The following DYNC1LI1 variants were observed in gnomAD, a reference collection of about 807,000 sequenced individuals.
The protein encoded by DYNC1LI1 is dynein cytoplasmic 1 light intermediate chain 1.
A neutral mutation model predicts 63.8 loss-of-function variants in DYNC1LI1; 19 were observed. The observed-to-expected ratio is 0.30, with a 90% CI of 0.21 to 0.44. The LOEUF is 0.44. DYNC1LI1 is among the 20% of genes least tolerant of loss of function. DYNC1LI1 has a pLI of 1.00. For missense variants in DYNC1LI1, 565 were observed against 630.2 expected (o/e 0.90, Z 1.11); for synonymous variants, 225 against 232.3 (o/e 0.97, Z 0.28).
Position 32,537,939 on chromosome 3 carries a change from T to TTTATATATATAAA in DYNC1LI1, c.739-836_739-835insTTTATATATATAA, listed in dbSNP as rs1697804367. On this transcript the variant is annotated intron_variant, in intron 5 of 12. Transcript: ENST00000273130. The stretch of plus-strand genomic sequence containing the variant: ...ATTTATATATATAATATATATATAA[T>TTTATATATATAAA]ATATATATAATTTATATATATAATA... Among the ~76,000 whole-genome samples, 4 of 15,962 alleles carry TTTATATATATAAA rather than the reference T, an allele frequency of 2.5e-4. 1 individual carries two copies. Among genetic ancestry groups the TTTATATATATAAA allele is most frequent in the Non-Finnish European group, 3.6e-4 (3 of 8,328 alleles). The allele number at this position is 15,962 out of a possible 152,430, so 10.5% of individuals were successfully genotyped here. A position where few individuals can be genotyped will look rare whatever the true frequency, so the allele number is the denominator to read the frequency against.
rs368836845 is a variant in DYNC1LI1, at chr3:32,545,113, C to T, written c.338-7G>A. The T allele has an allele frequency of 1.6e-5, 25 of 1,580,274 alleles. No homozygotes were observed. In the African/African-American group the frequency reaches 2.0e-4, roughly 13 times the overall value. ...ACATTACATCTTGTTTGATCTACAA[C>T]AGACAAAACAAAGTAACCAAGGCAA... is the stretch of plus-strand genomic sequence containing the variant. On this transcript the variant is annotated splice_region_variant and splice_polypyrimidine_tract_variant and intron_variant, in intron 3 of 12. Transcript: ENST00000273130.
At chr3:32,552,672 T>C (rs555490589) in intron 2 of DYNC1LI1, among the ~76,000 whole-genome samples, 6 of 152,292 alleles carry the variant, frequency 3.9e-5, no homozygotes, top group African/African-American at 1.2e-4. Flanking sequence ...GTCTGCTCCT[T>C]TCACAGCAAA....
Position 32,534,496 on chromosome 3 carries a change from T to G in DYNC1LI1, c.968+15A>C. 6.5e-7 allele frequency: 1 copy of G among 1,538,018 alleles called. No homozygotes were observed. The highest frequency in any genetic ancestry group is 8.9e-7 in the Non-Finnish European group (1 of 1,128,776). ...ATAATACATGATAAAATTATATATT[T>G]AAGAGTACACTTACATAAATACTGC... On this transcript the variant is annotated intron_variant, in intron 7 of 12. Transcript: ENST00000273130.
intron 2 of DYNC1LI1, among the ~76,000 whole-genome samples, chr3:32,559,929 C>G (rs1018237632): frequency 2.0e-5 from 3 of 152,094 alleles, no homozygotes; most frequent in Admixed American, 2.0e-4. Flanking sequence ...ATCTGGAGGA[C>G]CCAGGTAGGG....
At chr3:32,567,734 C>T (rs1297814981) in intron 2 of DYNC1LI1, among the ~76,000 whole-genome samples, 4 of 144,740 alleles carry the variant, frequency 2.8e-5, no homozygotes, top group East Asian at 2.1e-4. Flanking sequence ...GACAGAGTCT[C>T]GCTCTGTCAC....
At chr3:32,550,940 C>A (rs116338432) in intron 2 of DYNC1LI1, among the ~76,000 whole-genome samples, 1,775 of 149,974 alleles carry the variant, frequency 0.012, 29 homozygotes, top group African/African-American at 0.042. Context: ...CCTGGGTGAT[C>A]AAGTGAGATC....
At chr3:32,563,583 C>G (rs1377817424) in intron 2 of DYNC1LI1, among the ~76,000 whole-genome samples, 1 of 152,182 alleles carries the variant, frequency 6.6e-6, no homozygotes, top group Non-Finnish European at 1.5e-5. Context: ...TGAGCCACCA[C>G]GCCCGGCCAC....
At chr3:32,548,214 G>A (rs1232892148) in intron 2 of DYNC1LI1, among the ~76,000 whole-genome samples, 6 of 152,018 alleles carry the variant, frequency 3.9e-5, no homozygotes, top group East Asian at 3.9e-4. Context: ...GAGGTGAGCC[G>A]ACAGCATTAC....
chr3:32,539,651 T>C (rs2125435010), intron 5 of DYNC1LI1, among the ~76,000 whole-genome samples: 1 of 151,736 alleles, frequency 6.6e-6, no homozygotes, highest in South Asian at 2.1e-4. Flanking sequence ...TTCTCCTGCC[T>C]CAGCCTCCCG....
Position 32,565,315 on chromosome 3 carries a change from AG to A in DYNC1LI1, c.220+5030del, listed in dbSNP as rs751582078. Among the ~76,000 whole-genome samples, 3 of 152,236 alleles carry A rather than the reference AG, an allele frequency of 2.0e-5. No individual in the cohort carries two copies. In the South Asian group the frequency reaches 6.2e-4, roughly 32 times the overall value. On this transcript the variant is annotated intron_variant, in intron 2 of 12. Transcript: ENST00000273130. ...AGATGAGGCTTATATGACTTGACAA[AG>A]GACCACCTAGTTTTCATTAATTCAC... is the stretch of plus-strand genomic sequence containing the variant.
At chr3:32,569,966 C>T (rs1698320511) in intron 2 of DYNC1LI1, among the ~76,000 whole-genome samples, 1 of 152,230 alleles carries the variant, frequency 6.6e-6, no homozygotes, top group Non-Finnish European at 1.5e-5. Flanking sequence ...ATGCCATTTG[C>T]GCTGCAGCTC....
At chr3:32,557,393 C>A (rs1248257770) in intron 2 of DYNC1LI1, among the ~76,000 whole-genome samples, 1 of 151,520 alleles carries the variant, frequency 6.6e-6, no homozygotes, top group East Asian at 1.9e-4. Flanking sequence ...TGGTGGCGGG[C>A]ACTTTGTAAT....
chr3:32,532,923 T>C lies in DYNC1LI1; in HGVS notation c.1080+63A>G, dbSNP rs1026775991. 1.6e-5 allele frequency: 23 copies of C among 1,465,430 alleles called. No homozygotes were observed. In the African/African-American group the frequency reaches 3.1e-4, roughly 20 times the overall value. 90.8% of individuals were successfully genotyped at this position (1,465,430 alleles called of 1,614,324 possible). ...TGCCTTTCTACATTTAATTTTAAAGTATGGAATTCCCCTCAGGTTAGTCTA... is the reference window on the plus strand; with the variant it reads ...TGCCTTTCTACATTTAATTTTAAAGCATGGAATTCCCCTCAGGTTAGTCTA... On this transcript the variant is annotated intron_variant, in intron 8 of 12. Transcript: ENST00000273130.
intron 2 of DYNC1LI1, among the ~76,000 whole-genome samples, chr3:32,552,037 T>G (rs1442678563): frequency 6.6e-6 from 1 of 152,194 alleles, no homozygotes; most frequent in Admixed American, 6.5e-5. Flanking sequence ...CACATTTCAA[T>G]ATGCACAAAG....
chr3:32,533,186 T>G, intron 7 of DYNC1LI1, 89 bp from the exon 8 acceptor site: 1 of 1,420,906 alleles, frequency 7.0e-7, no homozygotes, highest in Non-Finnish European at 9.1e-7. Context: ...AATACTTTCA[T>G]GAAGTCAATT....
rs772916379 is a variant in DYNC1LI1, at chr3:32,570,802, A to C, written c.-32T>G. 5 of 1,588,252 alleles carry C rather than the reference A, an allele frequency of 3.1e-6. No individual in the cohort carries two copies. Among genetic ancestry groups the C allele is most frequent in the Non-Finnish European group, 4.3e-6 (5 of 1,165,186 alleles). The stretch of plus-strand genomic sequence containing the variant: ...CGGGAATCACACCACTCCCGGCAAG[A>C]CTAAATGTGCGAGGCGGCTGAGGCG... On this transcript the variant is annotated 5_prime_UTR_variant, in exon 1 of 13. Transcript: ENST00000273130.
intron 2 of DYNC1LI1, among the ~76,000 whole-genome samples, chr3:32,556,310 C>T (rs1446511196): frequency 6.6e-6 from 1 of 152,222 alleles, no homozygotes; most frequent in Non-Finnish European, 1.5e-5. Flanking sequence ...GAATAGCACA[C>T]TGTACTGCAG....
rs373688024 is a variant in DYNC1LI1 at position 32,528,433 on chromosome 3, C to G, written c.1462+13G>C. The G allele has an allele frequency of 1.2e-6, 2 of 1,613,840 alleles. No homozygotes were observed. Among genetic ancestry groups the G allele is most frequent in the African/African-American group, 1.3e-5 (1 of 74,920 alleles). ...GTTATTTTAAACAAGTGACTTGCTT[C>G]CCATAAGCATACCTGACTTTTTGGT... On this transcript the variant is annotated intron_variant, in intron 12 of 12. Transcript: ENST00000273130.
At chr3:32,555,774 G>A (rs977766951) in intron 2 of DYNC1LI1, among the ~76,000 whole-genome samples, 3 of 152,174 alleles carry the variant, frequency 2.0e-5, no homozygotes, top group African/African-American at 4.8e-5. Flanking sequence ...GAGGAAAAGT[G>A]TACTGATATC....
Sources: gnomAD v4.1 joint callset for allele counts (sites outside exome capture counted in the v4.1 genomes callset) on GRCh38, gnomAD v4.1.1 for gene constraint, MANE v1.5 for transcripts, NCBI Gene and HGNC (gene_info 2026-07-23, HGNC 2026-07-21) for gene names.